The following SGCZ variants were observed in gnomAD, a reference collection of about 807,000 sequenced individuals.
SGCZ encodes zeta-sarcoglycan.
SGCZ carries 40 observed loss-of-function variants against 41.3 expected under a neutral mutation model. The observed-to-expected ratio is 0.97, with a 90% confidence interval of 0.75 to 1.26. SGCZ has a LOEUF of 1.26. Ranked by LOEUF, SGCZ falls within the 50% of genes most tolerant of loss-of-function variation. The pLI, the probability that SGCZ is intolerant of heterozygous loss-of-function variation, is 0.00. For missense variants in SGCZ, 552 were observed against 369.8 expected (o/e 1.49, Z -4.04); for synonymous variants, 206 against 137.5 (o/e 1.50, Z -3.49).
chr8:15,179,216 A>C (rs1800089994), intron 1 of SGCZ, among the ~76,000 whole-genome samples: 1 of 152,192 alleles, frequency 6.6e-6, no homozygotes, highest in Admixed American at 6.5e-5. Flanking sequence ...TCAAATAATA[A>C]AATAATGAAA....
At chr8:14,401,979 T>C (rs1242592533) in intron 2 of SGCZ, among the ~76,000 whole-genome samples, 1 of 151,964 alleles carries the variant, frequency 6.6e-6, no homozygotes, top group Non-Finnish European at 1.5e-5. Context: ...TGATTGCCAT[T>C]CTAACTGGTG....
chr8:14,236,258 G>T (rs183040449), intron 4 of SGCZ, among the ~76,000 whole-genome samples: 21 of 152,104 alleles, frequency 1.4e-4, no homozygotes, highest in Admixed American at 3.9e-4. Flanking sequence ...GAATCCATTT[G>T]CTAATAGCAC....
At chr8:15,152,630 G>C (rs1902619) in intron 1 of SGCZ, among the ~76,000 whole-genome samples, 29,939 of 152,126 alleles carry the variant, frequency 0.2, 3,505 homozygotes, top group East Asian at 0.47. Context: ...AGAAAACAGA[G>C]AGAATATAAA....
intron 1 of SGCZ, among the ~76,000 whole-genome samples, chr8:14,643,135 T>A (rs1025203938): frequency 6.6e-6 from 1 of 151,574 alleles, no homozygotes; most frequent in African/African-American, 2.4e-5. Flanking sequence ...TTTTAAAACA[T>A]GAATAGCAAA....
chr8:14,484,326 T>G (rs1351561334), intron 2 of SGCZ, among the ~76,000 whole-genome samples: 1 of 152,182 alleles, frequency 6.6e-6, no homozygotes, highest in Non-Finnish European at 1.5e-5. Context: ...GAGAGCTAAG[T>G]GCAAACGATG....
chr8:14,485,282 G>C (rs111303173), intron 2 of SGCZ, among the ~76,000 whole-genome samples: 1 of 152,022 alleles, frequency 6.6e-6, no homozygotes, highest in Non-Finnish European at 1.5e-5. Context: ...CCCTGCCCCC[G>C]CTGGAATGCA....
At chr8:14,534,894 T>C (rs1250726975) in intron 2 of SGCZ, among the ~76,000 whole-genome samples, 2 of 151,994 alleles carry the variant, frequency 1.3e-5, no homozygotes, top group Non-Finnish European at 2.9e-5. Context: ...AGGGAAAGAA[T>C]GTAGTTTCTC....
At chr8:14,593,950 G>C (rs1290308714) in intron 1 of SGCZ, among the ~76,000 whole-genome samples, 4 of 152,002 alleles carry the variant, frequency 2.6e-5, no homozygotes, top group Non-Finnish European at 5.9e-5. Flanking sequence ...CGAGATTGGT[G>C]GATCACTTGA....
At chr8:14,603,603 A>G (rs975514303) in intron 1 of SGCZ, among the ~76,000 whole-genome samples, 12 of 152,184 alleles carry the variant, frequency 7.9e-5, no homozygotes, top group African/African-American at 2.9e-4. Context: ...TAAAATAAAA[A>G]TTTAAACTTT....
At chr8:14,198,519 G>C (rs953520740) in intron 4 of SGCZ, among the ~76,000 whole-genome samples, 1 of 151,966 alleles carries the variant, frequency 6.6e-6, no homozygotes, top group Non-Finnish European at 1.5e-5. Context: ...GATCCATTCA[G>C]TTGTAGTACA....
At position 14,899,961 on chromosome 8, in the gene SGCZ, A is replaced by ACGTACC. The variant is rs1272510348; in HGVS notation, c.39+337623_39+337624insGGTACG. On this transcript the variant is annotated intron_variant, in intron 1 of 7. Coordinates refer to ENST00000382080, the MANE Select transcript of SGCZ (RefSeq NM_139167.4). ...CCTGTACGTAGTTCTAGCAGAGGGTACCTGCTGTGAAAAGGTTTAACGTGG... is the reference window on the plus strand; with the variant it reads ...CCTGTACGTAGTTCTAGCAGAGGGTACGTACCCCTGCTGTGAAAAGGTTTAACGTGG... Among the ~76,000 whole-genome samples the ACGTACC allele has an allele frequency of 3.9e-5, 6 of 152,228 alleles. No individual in the cohort carries two copies. In the Middle Eastern group the frequency reaches 0.01, roughly 259 times the overall value.
chr8:14,728,317 T>A (rs1585213824), intron 1 of SGCZ, among the ~76,000 whole-genome samples: 4 of 118,248 alleles, frequency 3.4e-5, no homozygotes, highest in African/African-American at 6.4e-5. Flanking sequence ...GAAAGAAAAC[T>A]AAAGCTTTAA....
chr8:14,102,351 G>C (rs755015383), intron 7 of SGCZ, 25 bp downstream of exon 7: 1 of 1,442,724 alleles, frequency 6.9e-7, no homozygotes, highest in Non-Finnish European at 9.3e-7. Flanking sequence ...AGTATAGGGC[G>C]AGGGTCCAAC....
In SGCZ at chr8:15,128,263, T is replaced by C. The variant is rs188036386; in HGVS notation, c.39+109322A>G. 2.6e-5 allele frequency among the ~76,000 whole-genome samples: 4 copies of C among 152,196 alleles called. No homozygotes were observed. The East Asian group carries it at 7.7e-4, about 29-fold the overall frequency. Reference sequence around the variant, plus strand: ...TGTTAATTCAGCTCCCGGTGATGTCTTGGTTACTCTAAATGGAAATGCTGG... The same window carrying C: ...TGTTAATTCAGCTCCCGGTGATGTCCTGGTTACTCTAAATGGAAATGCTGG... On this transcript the variant is annotated intron_variant, in intron 1 of 7. Transcript: ENST00000382080.
chr8:14,438,262 T>A (rs1800148388), intron 2 of SGCZ, among the ~76,000 whole-genome samples: 1 of 152,030 alleles, frequency 6.6e-6, no homozygotes, highest in Admixed American at 6.6e-5. Flanking sequence ...CATGGAATTC[T>A]CTTATTTTAT....
chr8:14,638,234 T>C (rs1214335735), intron 1 of SGCZ, among the ~76,000 whole-genome samples: 3 of 151,850 alleles, frequency 2.0e-5, no homozygotes, highest in African/African-American at 7.2e-5. Context: ...CTGCTGATTT[T>C]GCTACATCAA....
At chr8:14,158,199 C>T (rs1585187620) in intron 5 of SGCZ, among the ~76,000 whole-genome samples, 2 of 151,860 alleles carry the variant, frequency 1.3e-5, no homozygotes, top group South Asian at 4.2e-4. Context: ...ATACTTTGTA[C>T]AGTACAGTAG....
chr8:14,092,023 G>C (rs1274038147), intron 7 of SGCZ, among the ~76,000 whole-genome samples: 1 of 152,074 alleles, frequency 6.6e-6, no homozygotes. Context: ...TCCAGGTTCA[G>C]CTTTCTGCGT....
intron 2 of SGCZ, among the ~76,000 whole-genome samples, chr8:14,447,962 G>A (rs1210820702): frequency 6.6e-6 from 1 of 152,110 alleles, no homozygotes. Flanking sequence ...CAAGCTCTAA[G>A]AGCCCAAACG....
Sources: gnomAD v4.1 joint callset for allele counts (sites outside exome capture counted in the v4.1 genomes callset) on GRCh38, gnomAD v4.1.1 for gene constraint, MANE v1.5 for transcripts, NCBI Gene and HGNC (gene_info 2026-07-23, HGNC 2026-07-21) for gene names.